LYPD1: variants seen among roughly 807,000 people sequenced by gnomAD.
LYPD1 encodes the protein LY6/PLAUR domain containing 1, also known as ly6/PLAUR domain-containing protein 1.
LYPD1 carries 14 observed loss-of-function variants against 14.2 expected under a neutral mutation model. That is an observed-to-expected ratio of 0.99 (90% CI 0.65 to 1.54). LYPD1 has a LOEUF of 1.54. Among genes scored for constraint, LYPD1 ranks in the 40% most tolerant of loss-of-function variants. The pLI is 0.00. For synonymous variants in LYPD1, 85 were observed against 70.6 expected (o/e 1.20, Z -1.02); for missense variants, 165 against 175.7 (o/e 0.94, Z 0.34).
chr2:132,653,024 C>T (rs910389697), intron 2 of LYPD1, among the ~76,000 whole-genome samples: 1 of 152,188 alleles, frequency 6.6e-6, no homozygotes, highest in Non-Finnish European at 1.5e-5. Context: ...ATATTAACTT[C>T]TTTCACCAAG....
At position 132,645,502 on chromosome 2, in the gene LYPD1, CAGTCTA is replaced by C; in HGVS notation, c.*537_*542del. The C allele has an allele frequency of 6.2e-7, 1 of 1,613,642 alleles. No individual in the cohort carries two copies. The highest frequency in any genetic ancestry group is 8.5e-7 in the Non-Finnish European group (1 of 1,180,010). On this transcript the variant is annotated 3_prime_UTR_variant, in exon 3 of 3. Transcript: ENST00000397463. Reference sequence around the variant, plus strand: ...CACTTTTCAGAGCGAGGCCGAGCCCCAGTCTAAGTCCCAGTCATTGAGTCTCGAGTC... The same window carrying C: ...CACTTTTCAGAGCGAGGCCGAGCCCCAGTCCCAGTCATTGAGTCTCGAGTC...
At chr2:132,653,664 A>G (rs993210404) in intron 2 of LYPD1, among the ~76,000 whole-genome samples, 1 of 152,232 alleles carries the variant, frequency 6.6e-6, no homozygotes, top group African/African-American at 2.4e-5. Context: ...CAAGTTATTT[A>G]TTAATTACAA....
At position 132,646,341 on chromosome 2, in the gene LYPD1, C is replaced by T. The variant is rs1367796178; in HGVS notation, c.191-61G>A. 5 of 1,208,316 alleles carry T rather than the reference C, an allele frequency of 4.1e-6. No homozygotes were observed. In the African/African-American group the frequency reaches 4.7e-5, roughly 11 times the overall value. 74.8% of individuals were successfully genotyped at this position (1,208,316 alleles called of 1,614,324 possible). A position where few individuals can be genotyped will look rare whatever the true frequency, so the allele number is the denominator to read the frequency against. On this transcript the variant is annotated intron_variant, in intron 2 of 2. Transcript: ENST00000397463. ...CACCGGCAAAAGAATAGCTGTCCCT[C>T]TCAGCCCAAATCCAAACGGACAGCT...
Position 132,646,110 on chromosome 2 carries a change from G to C in LYPD1, c.361C>G (p.Leu121Val), listed in dbSNP as rs781059999. The change falls in exon 3 of 3, where the codon CTC becomes GTC. Residue 121 changes from leucine (L) to valine (V), a missense_variant. Coordinates refer to ENST00000397463, the MANE Select transcript of LYPD1 (RefSeq NM_144586.7). ...PKKRGSSASA[L>V]RPGLRTTILF... ...ATGGTGGTGCGGAGCCCTGGCCTGAGGGCCGAGGCAGAACTTCCCCTTTTC... is the reference window on the plus strand; with the variant it reads ...ATGGTGGTGCGGAGCCCTGGCCTGACGGCCGAGGCAGAACTTCCCCTTTTC... 6.2e-7 allele frequency: 1 copy of C among 1,608,386 alleles called. No individual in the cohort carries two copies. The highest frequency in any genetic ancestry group is 1.1e-5 in the South Asian group (1 of 90,106).
intron 2 of LYPD1, among the ~76,000 whole-genome samples, chr2:132,654,903 C>A (rs1379520476): frequency 6.6e-6 from 1 of 152,094 alleles, no homozygotes; most frequent in Non-Finnish European, 1.5e-5. Context: ...CGCCTGCCAC[C>A]ATGCCCGGTT....
Position 132,670,059 on chromosome 2 carries a change from G to A in LYPD1, c.-127C>T, listed in dbSNP as rs1241346238. On this transcript the variant is annotated 5_prime_UTR_variant, in exon 1 of 3. Transcript: ENST00000397463. The surrounding 1 kb of genome is among the most constrained non-coding windows in gnomAD (Gnocchi z 4.5). ...GGGCCCGCGCTGCTGCCGCGGAGAC[G>A]ACGGTCGTAGCTTAGAGGAGCCGCA... is the stretch of plus-strand genomic sequence containing the variant. 2 of 1,526,456 alleles carry A rather than the reference G, an allele frequency of 1.3e-6. No individual in the cohort carries two copies. The highest frequency in any genetic ancestry group is 2.0e-5 in the Admixed American group (1 of 48,908). 94.6% of individuals were successfully genotyped at this position (1,526,456 alleles called of 1,614,324 possible). A position where few individuals can be genotyped will look rare whatever the true frequency, so the allele number is the denominator to read the frequency against.
chr2:132,658,653 C>T (rs73955775), intron 2 of LYPD1, among the ~76,000 whole-genome samples: 1,845 of 152,140 alleles, frequency 0.012, 30 homozygotes, highest in African/African-American at 0.037. Context: ...AGAGTAAAAA[C>T]GAAGTTTGTT....
At chr2:132,666,291 G>C (rs981325009) in intron 2 of LYPD1, among the ~76,000 whole-genome samples, 2 of 152,162 alleles carry the variant, frequency 1.3e-5, no homozygotes, top group Non-Finnish European at 2.9e-5. Context: ...GTGCTTTGGA[G>C]GTATAAGGCC....
intron 2 of LYPD1, among the ~76,000 whole-genome samples, chr2:132,661,886 ATTG>A (rs1468437350): frequency 9.2e-5 from 14 of 151,804 alleles, no homozygotes; most frequent in Admixed American, 4.6e-4. Flanking sequence ...TTTCAATAAA[ATTG>A]TTGTTAAAAA....
At chr2:132,654,239 A>T (rs374792147) in intron 2 of LYPD1, among the ~76,000 whole-genome samples, 1 of 152,084 alleles carries the variant, frequency 6.6e-6, no homozygotes, top group African/African-American at 2.4e-5. Flanking sequence ...ACATTTTTTA[A>T]AAGACATTGG....
chr2:132,645,329 G>C lies in LYPD1; in HGVS notation c.*716C>G, dbSNP rs753381502. 2 of 1,614,002 alleles carry C rather than the reference G, an allele frequency of 1.2e-6. No individual in the cohort carries two copies. Among genetic ancestry groups the C allele is most frequent in the African/African-American group, 1.3e-5 (1 of 74,924 alleles). ...GTGTTCGTGCAGGTGCTGTGCTGCC[G>C]CCTGTCGCTGCAGCACGCCAACCAC... is the stretch of plus-strand genomic sequence containing the variant. On this transcript the variant is annotated 3_prime_UTR_variant, in exon 3 of 3. Transcript: ENST00000397463.
In LYPD1 at chr2:132,645,390, C is replaced by CG. The variant is rs1682005272; in HGVS notation, c.*654dup. 6.2e-7 allele frequency: 1 copy of CG among 1,613,632 alleles called. No individual in the cohort carries two copies. The highest frequency in any genetic ancestry group is 8.5e-7 in the Non-Finnish European group (1 of 1,180,022). ...TGCGCGTACATGCGCACTCCACCAC[C>CG]GACAGCGCCCGCTTTGTGCAGCGCC... On this transcript the variant is annotated 3_prime_UTR_variant, in exon 3 of 3. Transcript: ENST00000397463.
intron 2 of LYPD1, among the ~76,000 whole-genome samples, chr2:132,649,549 A>G (rs951149514): frequency 1.3e-5 from 2 of 152,212 alleles, no homozygotes; most frequent in Non-Finnish European, 2.9e-5. Flanking sequence ...TGTAAGGAAC[A>G]TGTGATTGAA....
chr2:132,660,231 T>A (rs1682855377), intron 2 of LYPD1, among the ~76,000 whole-genome samples: 1 of 152,208 alleles, frequency 6.6e-6, no homozygotes. Flanking sequence ...CTTTATCACT[T>A]TTGCATCTGA....
At chr2:132,667,169 G>C (rs1487107137) in intron 2 of LYPD1, among the ~76,000 whole-genome samples, 4 of 152,066 alleles carry the variant, frequency 2.6e-5, no homozygotes, top group Admixed American at 1.3e-4. Context: ...CAAATCCCAC[G>C]TGCCAAAATA....
intron 2 of LYPD1, among the ~76,000 whole-genome samples, chr2:132,656,632 G>A (rs1031510547): frequency 2.0e-5 from 3 of 152,134 alleles, no homozygotes; most frequent in East Asian, 3.9e-4. Flanking sequence ...CCTCATTGCC[G>A]CCACGATGGG....
At chr2:132,667,591 TA>T (rs1226729153) in intron 2 of LYPD1, among the ~76,000 whole-genome samples, 1 of 152,200 alleles carries the variant, frequency 6.6e-6, no homozygotes, top group Non-Finnish European at 1.5e-5. Context: ...TTAATATCCT[TA>T]AAATGGCAAG....
At chr2:132,652,234 G>A (rs1433919224) in intron 2 of LYPD1, among the ~76,000 whole-genome samples, 3 of 152,030 alleles carry the variant, frequency 2.0e-5, no homozygotes, top group South Asian at 2.1e-4. Flanking sequence ...TTAATAGAAC[G>A]TAAGCTCCAG....
chr2:132,645,489 C>T lies in LYPD1; in HGVS notation c.*556G>A, dbSNP rs145224705. 2.5e-4 allele frequency: 401 copies of T among 1,613,800 alleles called. 1 individual carries two copies. Among genetic ancestry groups the T allele is most frequent in the Non-Finnish European group, 2.9e-4 (343 of 1,180,032 alleles). ...AGATTTTCTTAAGCACTTTTCAGAG[C>T]GAGGCCGAGCCCCAGTCTAAGTCCC... On this transcript the variant is annotated 3_prime_UTR_variant, in exon 3 of 3. Transcript: ENST00000397463.
Sources: allele counts gnomAD v4.1 joint callset (sites outside exome capture counted in the v4.1 genomes callset), GRCh38; gene constraint gnomAD v4.1.1; non-coding constraint Gnocchi (gnomAD v3.1); transcripts MANE v1.5; gene names NCBI Gene and HGNC (gene_info 2026-07-23, HGNC 2026-07-21).